SHISA9: variants seen among roughly 807,000 people sequenced by gnomAD.
SHISA9 encodes protein shisa-9.
A neutral mutation model predicts 38.0 loss-of-function variants in SHISA9; 13 were observed. The ratio of observed to expected loss-of-function variants is 0.34; its 90% confidence interval spans 0.22 to 0.54. SHISA9 has a LOEUF of 0.54. Ranked by LOEUF, SHISA9 falls within the 20% of genes least tolerant of loss-of-function variation. The pLI, the probability that SHISA9 is intolerant of heterozygous loss-of-function variation, is 0.91. For missense variants in SHISA9, 538 were observed against 575.8 expected (o/e 0.93, Z 0.67); for synonymous variants, 275 against 242.0 (o/e 1.14, Z -1.27).
At chr16:12,911,111 C>A in intron 1 of SHISA9, 1 of 284,758 alleles carries the variant, frequency 3.5e-6, no homozygotes, top group Non-Finnish European at 5.3e-6. Flanking sequence ...TCACAGTACG[C>A]TTAGGGTCTT....
intron 2 of SHISA9, among the ~76,000 whole-genome samples, chr16:13,025,936 G>A (rs942084538): frequency 4.6e-5 from 7 of 152,002 alleles, no homozygotes; most frequent in Non-Finnish European, 1.0e-4. Flanking sequence ...CTCCTGAGTA[G>A]CTGGGATTAC....
At chr16:13,207,974 C>G (rs200352540) in intron 3 of SHISA9, among the ~76,000 whole-genome samples, 7 of 152,134 alleles carry the variant, frequency 4.6e-5, no homozygotes, top group African/African-American at 1.4e-4. Flanking sequence ...CTTTAGCATT[C>G]ACTGGTAAGC....
At chr16:13,009,903 A>C (rs921493348) in intron 2 of SHISA9, among the ~76,000 whole-genome samples, 1 of 152,222 alleles carries the variant, frequency 6.6e-6, no homozygotes, top group Admixed American at 6.5e-5. Context: ...AAGGCCAGGC[A>C]TAGTGGCTCA....
Position 12,966,984 on chromosome 16 carries a change from G to C in SHISA9, c.691+50169G>C, listed in dbSNP as rs116864607. On this transcript the variant is annotated intron_variant, in intron 2 of 4. Coordinates refer to ENST00000558583, the MANE Select transcript of SHISA9 (RefSeq NM_001145204.3). ...CAGGACTTGTGATGATCTCTGGGGAGGTCCAGAAATGAATAAGACATGGTC... is the reference window on the plus strand; with the variant it reads ...CAGGACTTGTGATGATCTCTGGGGACGTCCAGAAATGAATAAGACATGGTC... Among the ~76,000 whole-genome samples, 881 of 152,232 alleles carry C rather than the reference G, an allele frequency of 5.8e-3. 7 individuals carry two copies. Among genetic ancestry groups the C allele is most frequent in the Middle Eastern group, 0.034 (10 of 294 alleles).
the SHISA9 span, among the ~76,000 whole-genome samples, chr16:13,408,654 A>T: frequency 2.0e-5 from 3 of 152,228 alleles, no homozygotes; most frequent in Non-Finnish European, 4.4e-5. Flanking sequence ...AGCTTGTTTC[A>T]TATATGAGTT....
chr16:13,018,302 G>T (rs528925049), intron 2 of SHISA9, among the ~76,000 whole-genome samples: 11 of 152,196 alleles, frequency 7.2e-5, no homozygotes, highest in Non-Finnish European at 1.6e-4. Context: ...GAGGGATCTG[G>T]CCTCCAATTT....
intron 2 of SHISA9, among the ~76,000 whole-genome samples, chr16:13,077,301 T>C (rs1420787934): frequency 6.6e-6 from 1 of 152,022 alleles, no homozygotes; most frequent in Non-Finnish European, 1.5e-5. Context: ...TTCTCTACTT[T>C]ATCCATATGG....
intron 2 of SHISA9, among the ~76,000 whole-genome samples, chr16:13,119,696 G>T (rs2074066804): frequency 6.6e-6 from 1 of 152,154 alleles, no homozygotes; most frequent in Admixed American, 6.5e-5. Context: ...GAGGTCTGGG[G>T]GTGAACTGGG....
intron 2 of SHISA9, among the ~76,000 whole-genome samples, chr16:13,193,709 A>T (rs564097518): frequency 7.1e-4 from 108 of 152,288 alleles, no homozygotes; most frequent in Non-Finnish European, 1.4e-3. Context: ...TCTGCTTAGG[A>T]GAGAAAGGAG....
chr16:13,542,985 C>G, the SHISA9 span, among the ~76,000 whole-genome samples: 1 of 152,194 alleles, frequency 6.6e-6, no homozygotes, highest in Non-Finnish European at 1.5e-5. Context: ...TAACCTTAGT[C>G]TGTCTGATCC....
rs11860258 is a variant in SHISA9, at chr16:13,168,688, C to G, written c.692-34706C>G. On this transcript the variant is annotated intron_variant, in intron 2 of 4. Coordinates refer to ENST00000558583, the MANE Select transcript of SHISA9 (RefSeq NM_001145204.3). ...TAGCGAGCTGGGATTTGCTCTGGAT[C>G]TCATCAGCACCTAGTTTCTCGTATT... 9.8e-4 allele frequency among the ~76,000 whole-genome samples: 150 copies of G among 152,324 alleles called. 2 individuals carry two copies. The highest frequency in any genetic ancestry group is 3.5e-3 in the African/African-American group (146 of 41,570).
chr16:12,904,163 C>T (rs1210928468), intron 1 of SHISA9, among the ~76,000 whole-genome samples: 1 of 152,162 alleles, frequency 6.6e-6, no homozygotes, highest in Non-Finnish European at 1.5e-5. Context: ...CCGGCCAGGC[C>T]AGTCCCTGTT....
intron 4 of SHISA9, among the ~76,000 whole-genome samples, chr16:13,217,874 T>A (rs1183650928): frequency 6.6e-6 from 1 of 151,766 alleles, no homozygotes; most frequent in African/African-American, 2.4e-5. Flanking sequence ...TACTAAAAAT[T>A]GAAAAATTAG....
At chr16:13,221,141 A>G (rs1172993351) in intron 4 of SHISA9, among the ~76,000 whole-genome samples, 1 of 152,174 alleles carries the variant, frequency 6.6e-6, no homozygotes, top group East Asian at 1.9e-4. Flanking sequence ...TCTTAGAGCA[A>G]TATGGCTTTG....
chr16:13,157,429 A>G (rs1225971902), intron 2 of SHISA9, among the ~76,000 whole-genome samples: 1 of 152,146 alleles, frequency 6.6e-6, no homozygotes, highest in Non-Finnish European at 1.5e-5. Flanking sequence ...AGCTCTGCCA[A>G]TTATTTGCTG....
intron 2 of SHISA9, among the ~76,000 whole-genome samples, chr16:12,962,262 C>G (rs142491435): frequency 6.6e-6 from 1 of 152,350 alleles, no homozygotes; most frequent in East Asian, 1.9e-4. Flanking sequence ...AGGACTTGCA[C>G]ACAGACAGTG....
the SHISA9 span, among the ~76,000 whole-genome samples, chr16:13,299,986 A>G: frequency 6.6e-6 from 1 of 152,078 alleles, no homozygotes; most frequent in Non-Finnish European, 1.5e-5. Flanking sequence ...TGGTTGCTCA[A>G]AGGGACCTTG....
the SHISA9 span, among the ~76,000 whole-genome samples, chr16:13,326,068 TAAA>T: frequency 8.9e-6 from 1 of 112,372 alleles, no homozygotes. Flanking sequence ...AAAGTCAAAT[TAAA>T]AAAAAAAAAA....
the SHISA9 span, among the ~76,000 whole-genome samples, chr16:13,560,754 GAAAA>G: frequency 7.5e-6 from 1 of 133,186 alleles, no homozygotes; most frequent in East Asian, 2.1e-4. Flanking sequence ...ACTAAATTAG[GAAAA>G]AAAAAAAAAA....
Sources: gnomAD v4.1 joint callset for allele counts (sites outside exome capture counted in the v4.1 genomes callset) on GRCh38, gnomAD v4.1.1 for gene constraint, MANE v1.5 for transcripts, NCBI Gene and HGNC (gene_info 2026-07-23, HGNC 2026-07-21) for gene names.